STX11: variants seen among roughly 807,000 people sequenced by gnomAD.
The protein encoded by STX11 is syntaxin-11.
STX11 carries 21 observed loss-of-function variants against 19.9 expected under a neutral mutation model. The observed-to-expected ratio is 1.06, with a 90% CI of 0.75 to 1.52. The LOEUF is 1.52. Ranked by LOEUF, STX11 falls within the 40% of genes most tolerant of loss-of-function variation. The pLI is 0.00. For synonymous variants in STX11, 193 were observed against 174.4 expected (o/e 1.11, Z -0.84); for missense variants, 438 against 405.9 (o/e 1.08, Z -0.68).
Position 144,167,729 on chromosome 6 carries a change from C to T in STX11, c.-6+17026C>T, listed in dbSNP as rs1801521206. ...AACCTCCTGGGCTCAGGTGATCATC[C>T]CATCTCAGCCTCCCAAGCAGCTGGG... On this transcript the variant is annotated intron_variant, in intron 1 of 1. Coordinates refer to ENST00000367568, the MANE Select transcript of STX11 (RefSeq NM_003764.4). The surrounding 1 kb of genome is among the most constrained non-coding windows in gnomAD (Gnocchi z 5.0). Among the ~76,000 whole-genome samples, 2 of 152,188 alleles carry T rather than the reference C, an allele frequency of 1.3e-5. No homozygotes were observed. The highest frequency in any genetic ancestry group is 4.8e-5 in the African/African-American group (2 of 41,432).
chr6:144,186,741 C>G lies in STX11; in HGVS notation c.114C>G (p.Asp38Glu). 1 of 1,614,184 alleles carries G rather than the reference C, an allele frequency of 6.2e-7. No homozygotes were observed. ...ACGAGGACATCGTGTTCGAGACGGA[C>G]CACATCCTGGAGTCCCTGTACCGAG... is the stretch of plus-strand genomic sequence containing the variant. ...SPHEDIVFETDHILESLYRDI... is the reference protein window; with the variant it reads ...SPHEDIVFETEHILESLYRDI... Residue 38 changes from aspartate (D) to glutamate (E), a missense_variant, in exon 2 of 2, where the codon GAC becomes GAG. Transcript: ENST00000367568.
At chr6:144,164,080 G>A (rs529592413) in intron 1 of STX11, among the ~76,000 whole-genome samples, 1 of 152,232 alleles carries the variant, frequency 6.6e-6, no homozygotes, top group East Asian at 1.9e-4. Context: ...ATCATGCCTG[G>A]CACATAAATA....
In STX11 at chr6:144,155,404, C is replaced by A. The variant is rs1479067771; in HGVS notation, c.-6+4701C>A. Among the ~76,000 whole-genome samples, 1 of 152,176 alleles carries A rather than the reference C, an allele frequency of 6.6e-6. No homozygotes were observed. The highest frequency in any genetic ancestry group is 1.5e-5 in the Non-Finnish European group (1 of 68,030). On this transcript the variant is annotated intron_variant, in intron 1 of 1. Transcript: ENST00000367568. The surrounding 1 kb of genome is among the most constrained non-coding windows in gnomAD (Gnocchi z 4.5). Reference sequence around the variant, plus strand: ...GAAGTTTTAAAATAGTTTCTCCACACATGCATTGAATGTTTTGTTCAGCAT... The same window carrying A: ...GAAGTTTTAAAATAGTTTCTCCACAAATGCATTGAATGTTTTGTTCAGCAT...
Position 144,180,469 on chromosome 6 carries a change from G to C in STX11, c.-5-6154G>C, listed in dbSNP as rs1016075356. On this transcript the variant is annotated intron_variant, in intron 1 of 1. Transcript: ENST00000367568. The surrounding 1 kb of genome is among the most constrained non-coding windows in gnomAD (Gnocchi z 5.3). Reference sequence around the variant, plus strand: ...GGAAGGTAATTGAATCCTGGGGATTGGTCTTCCCTGTGCTATTCTCGTGAT... The same window carrying C: ...GGAAGGTAATTGAATCCTGGGGATTCGTCTTCCCTGTGCTATTCTCGTGAT... Among the ~76,000 whole-genome samples, 8 of 152,156 alleles carry C rather than the reference G, an allele frequency of 5.3e-5. No homozygotes were observed. Among genetic ancestry groups the C allele is most frequent in the African/African-American group, 1.7e-4 (7 of 41,424 alleles).
At chr6:144,186,528 T>G in intron 1 of STX11, 95 bp from the exon 2 acceptor site, 1 of 1,517,592 alleles carries the variant, frequency 6.6e-7, no homozygotes, top group Non-Finnish European at 9.1e-7. Flanking sequence ...AATACAAAAT[T>G]GGGACTGCTG....
upstream of STX11, among the ~76,000 whole-genome samples, chr6:144,146,203 C>T (rs931462140): frequency 3.3e-5 from 5 of 152,264 alleles, no homozygotes; most frequent in South Asian, 4.1e-4. This position sits in a 1 kb window ranked among gnomAD's most constrained non-coding sequence, Gnocchi z 4.4. Flanking sequence ...ACGGCACTAG[C>T]GTGCAGGATG....
Position 144,162,466 on chromosome 6 carries a change from G to A in STX11, c.-6+11763G>A, listed in dbSNP as rs1250844912. 6.6e-6 allele frequency among the ~76,000 whole-genome samples: 1 copy of A among 152,174 alleles called. No homozygotes were observed. The highest frequency in any genetic ancestry group is 1.5e-5 in the Non-Finnish European group (1 of 68,036). ...AGTTCCTTTAGTGGAGTTTTGGAAGGGAGCAAAAGTAATGTTCAATTTGCT... is the reference window on the plus strand; with the variant it reads ...AGTTCCTTTAGTGGAGTTTTGGAAGAGAGCAAAAGTAATGTTCAATTTGCT... On this transcript the variant is annotated intron_variant, in intron 1 of 1. Transcript: ENST00000367568. The surrounding 1 kb of genome is among the most constrained non-coding windows in gnomAD (Gnocchi z 4.6).
chr6:144,150,491 C>T (rs1562652905), upstream of STX11: 1 of 985,086 alleles, frequency 1.0e-6, no homozygotes, highest in Non-Finnish European at 1.2e-6. Context: ...GCTTCCTAAG[C>T]GGCGGGGGCT....
At chr6:144,158,827 T>C (rs527743180) in intron 1 of STX11, among the ~76,000 whole-genome samples, 49 of 152,348 alleles carry the variant, frequency 3.2e-4, no homozygotes, top group African/African-American at 1.2e-3. Context: ...CTTTTAAGCC[T>C]ACCAATTTTT....
At chr6:144,140,680 C>A in the STX11 span, 1 of 884,736 alleles carries the variant, frequency 1.1e-6, no homozygotes, top group Non-Finnish European at 1.4e-6. Flanking sequence ...ATAAACCATC[C>A]GTGAAGAAGG....
chr6:144,162,384 T>C lies in STX11; in HGVS notation c.-6+11681T>C, dbSNP rs60148470. On this transcript the variant is annotated intron_variant, in intron 1 of 1. Transcript: ENST00000367568. This position sits in a 1 kb window ranked among gnomAD's most constrained non-coding sequence, Gnocchi z 4.6. ...CCATTTGCTTCATAATTTCCAACAT[T>C]GTGTTGCTGTTTTCTTCTCTCTTAT... Among the ~76,000 whole-genome samples the C allele has an allele frequency of 0.1, 15,596 of 152,268 alleles. 1,287 individuals carry two copies. Among genetic ancestry groups the C allele is most frequent in the East Asian group, 0.44 (2,285 of 5,180 alleles).
At position 144,169,990 on chromosome 6, in the gene STX11, TTTAAC is replaced by T. The variant is rs1181649479; in HGVS notation, c.-5-16625_-5-16621del. 2.6e-5 allele frequency among the ~76,000 whole-genome samples: 4 copies of T among 152,222 alleles called. No homozygotes were observed. Among genetic ancestry groups the T allele is most frequent in the East Asian group, 3.8e-4 (2 of 5,196 alleles). ...ACCATGCATGGAGTGTTTACTATTTTTTAACTTAACTTCTGTTCATCATTTTCAGG... is the reference window on the plus strand; with the variant it reads ...ACCATGCATGGAGTGTTTACTATTTTTTAACTTCTGTTCATCATTTTCAGG... On this transcript the variant is annotated intron_variant, in intron 1 of 1. Coordinates refer to ENST00000367568, the MANE Select transcript of STX11 (RefSeq NM_003764.4). The surrounding 1 kb of genome is among the most constrained non-coding windows in gnomAD (Gnocchi z 5.2).
chr6:144,157,954 C>A, intron 1 of STX11, among the ~76,000 whole-genome samples: 1 of 143,654 alleles, frequency 7.0e-6, no homozygotes. Context: ...TCAGAATTAC[C>A]AAAGATATTT....
the STX11 span, among the ~76,000 whole-genome samples, chr6:144,143,277 G>A: frequency 3.8e-4 from 58 of 152,122 alleles, no homozygotes; most frequent in Non-Finnish European, 6.9e-4. Context: ...TGTCAGGATT[G>A]TAGTTATAAA....
upstream of STX11, among the ~76,000 whole-genome samples, chr6:144,145,554 G>A (rs912344157): frequency 2.6e-5 from 4 of 152,182 alleles, no homozygotes; most frequent in Admixed American, 6.5e-5. Flanking sequence ...TATACACAAC[G>A]AGGTACTTTC....
At chr6:144,156,053 C>CTTCCT (rs1562655704) in intron 1 of STX11, among the ~76,000 whole-genome samples, 6 of 54,900 alleles carry the variant, frequency 1.1e-4, no homozygotes, top group African/African-American at 2.8e-4. Context: ...CTTCCTTCCC[C>CTTCCT]TCCCCTCCCC....
upstream of STX11, among the ~76,000 whole-genome samples, chr6:144,146,713 C>T (rs1449843932): frequency 2.0e-5 from 3 of 152,146 alleles, no homozygotes; most frequent in Admixed American, 2.0e-4. This position sits in a 1 kb window ranked among gnomAD's most constrained non-coding sequence, Gnocchi z 4.4. Flanking sequence ...TGCACCACCG[C>T]ACCCGGCTAA....
chr6:144,186,648 ACTT>A lies in STX11; in HGVS notation c.24_26del (p.Leu9del), dbSNP rs760492745. ...GCAAAATGAAAGACCGGCTAGCAGA[ACTT>A]CTGGACTTGTCCAAGCAATATGACC... is the stretch of plus-strand genomic sequence containing the variant. On this transcript the variant is annotated inframe_deletion, in exon 2 of 2. Coordinates refer to ENST00000367568, the MANE Select transcript of STX11 (RefSeq NM_003764.4). 4.1e-4 allele frequency: 664 copies of A among 1,614,018 alleles called. No individual in the cohort carries two copies. Among genetic ancestry groups the A allele is most frequent in the Non-Finnish European group, 5.3e-4 (621 of 1,180,048 alleles).
In STX11 at chr6:144,150,613, A is replaced by G. The variant is rs1345827261; in HGVS notation, c.-96A>G. On this transcript the variant is annotated 5_prime_UTR_variant, in exon 1 of 2. Coordinates refer to ENST00000367568, the MANE Select transcript of STX11 (RefSeq NM_003764.4). ...GAGCGGAGCCGCCGGGAGTCGCGCAACAGGTTTCCTTCTCCATCGCTGCGC... is the reference window on the plus strand; with the variant it reads ...GAGCGGAGCCGCCGGGAGTCGCGCAGCAGGTTTCCTTCTCCATCGCTGCGC... The G allele has an allele frequency of 2.0e-6, 2 of 985,236 alleles. No individual in the cohort carries two copies. Among genetic ancestry groups the G allele is most frequent in the Non-Finnish European group, 2.4e-6 (2 of 829,964 alleles). 61.0% of individuals were successfully genotyped at this position (985,236 alleles called of 1,614,324 possible). A position where few individuals can be genotyped will look rare whatever the true frequency, so the allele number is the denominator to read the frequency against.
Sources: allele counts gnomAD v4.1 joint callset (sites outside exome capture counted in the v4.1 genomes callset), GRCh38; gene constraint gnomAD v4.1.1; non-coding constraint Gnocchi (gnomAD v3.1); transcripts MANE v1.5; gene names NCBI Gene and HGNC (gene_info 2026-07-23, HGNC 2026-07-21).